AVEN: variants seen among roughly 807,000 people sequenced by gnomAD.
AVEN encodes apoptosis and caspase activation inhibitor.
A neutral mutation model predicts 38.1 loss-of-function variants in AVEN; 41 were observed. The ratio of observed to expected loss-of-function variants is 1.08; its 90% CI spans 0.84 to 1.40. The LOEUF (loss-of-function observed/expected upper bound fraction) is 1.40. Ranked by LOEUF, AVEN falls within the 40% of genes most tolerant of loss-of-function variation. The pLI, the probability that AVEN is intolerant of heterozygous loss-of-function variation, is 0.00. For synonymous variants in AVEN, 206 were observed against 171.8 expected (o/e 1.20, Z -1.56); for missense variants, 605 against 438.8 (o/e 1.38, Z -3.38).
At chr15:33,927,078 C>T (rs984148031) in intron 2 of AVEN, among the ~76,000 whole-genome samples, 3 of 152,024 alleles carry the variant, frequency 2.0e-5, no homozygotes, top group African/African-American at 7.2e-5. Flanking sequence ...CACGGTGAAA[C>T]CCCATCTCTA....
chr15:33,870,794 T>A, intron 4 of AVEN, 141 bp downstream of exon 4: 1 of 528,558 alleles, frequency 1.9e-6, no homozygotes, highest in South Asian at 6.3e-5. Flanking sequence ...CCTTTAAACT[T>A]TACAAAATGC....
At chr15:33,926,465 T>C (rs1275187243) in intron 2 of AVEN, among the ~76,000 whole-genome samples, 3 of 152,166 alleles carry the variant, frequency 2.0e-5, no homozygotes. Context: ...CCAGTGCTAC[T>C]ATTTATTGAC....
chr15:33,900,101 C>CT (rs1055903009), intron 2 of AVEN, among the ~76,000 whole-genome samples: 3 of 151,868 alleles, frequency 2.0e-5, no homozygotes, highest in African/African-American at 7.3e-5. Context: ...TATGAATCAC[C>CT]TTTTTTTTCT....
At position 33,999,051 on chromosome 15, in the gene AVEN, A is replaced by G. The variant is rs193178554; in HGVS notation, c.445+3981T>C. ...TGTGCTGGGTCTCTTCCATGTGCCA[A>G]TGCAGATTTATCCTCCACCCTTCTC... is the stretch of plus-strand genomic sequence containing the variant. On this transcript the variant is annotated intron_variant, in intron 2 of 5. Transcript: ENST00000306730. Among the ~76,000 whole-genome samples the G allele has an allele frequency of 3.9e-3, 587 of 152,332 alleles. 19 individuals are homozygous for G. Among genetic ancestry groups the G allele is most frequent in the Admixed American group, 0.036 (551 of 15,298 alleles).
At chr15:33,888,184 G>A (rs750327990) in intron 2 of AVEN, among the ~76,000 whole-genome samples, 1 of 152,188 alleles carries the variant, frequency 6.6e-6, no homozygotes, top group South Asian at 2.1e-4. Flanking sequence ...GCCAGATACT[G>A]TATTAAGTGC....
At chr15:33,995,899 A>T (rs1347013878) in intron 2 of AVEN, among the ~76,000 whole-genome samples, 1 of 152,246 alleles carries the variant, frequency 6.6e-6, no homozygotes, top group African/African-American at 2.4e-5. Flanking sequence ...CTGGAAGCGC[A>T]AGGGGTCAGG....
intron 5 of AVEN, among the ~76,000 whole-genome samples, chr15:34,060,805 G>A (rs1567493124): frequency 6.6e-6 from 1 of 152,166 alleles, no homozygotes; most frequent in Non-Finnish European, 1.5e-5. Flanking sequence ...AAGGGGCAGA[G>A]GTTGCAGTGA....
intron 2 of AVEN, among the ~76,000 whole-genome samples, chr15:33,897,480 G>A (rs1435734443): frequency 6.6e-6 from 1 of 152,018 alleles, no homozygotes. Context: ...ATGTTGGCCA[G>A]GCTGGTCTTG....
chr15:33,918,479 T>G (rs75187056), intron 2 of AVEN, among the ~76,000 whole-genome samples: 4 of 143,388 alleles, frequency 2.8e-5, no homozygotes, highest in Admixed American at 2.1e-4. Context: ...TTTTTTTTTT[T>G]TTTTTGTGAG....
chr15:34,025,669 T>C (rs1898424483), intron 1 of AVEN, among the ~76,000 whole-genome samples: 2 of 152,204 alleles, frequency 1.3e-5, no homozygotes, highest in East Asian at 1.9e-4. Context: ...TTGAAGTGTT[T>C]AGGGGTAAAG....
At chr15:34,038,030 C>A (rs1899232720) in intron 1 of AVEN, among the ~76,000 whole-genome samples, 1 of 152,200 alleles carries the variant, frequency 6.6e-6, no homozygotes, top group South Asian at 2.1e-4. Context: ...TATATATCAT[C>A]CCCTGCTCCA....
chr15:33,918,018 T>A (rs1302089695), intron 2 of AVEN, among the ~76,000 whole-genome samples: 1 of 152,208 alleles, frequency 6.6e-6, no homozygotes, highest in Non-Finnish European at 1.5e-5. Flanking sequence ...GTAATTTTTC[T>A]ATTAATTACA....
chr15:33,996,929 G>A (rs938141453), intron 2 of AVEN, among the ~76,000 whole-genome samples: 57 of 152,126 alleles, frequency 3.7e-4, no homozygotes, highest in Admixed American at 3.1e-3. Context: ...GAGGCTGTTC[G>A]AACCCATCGC....
At chr15:33,862,116 CCTGTAA>C (rs1385628753), downstream of AVEN, among the ~76,000 whole-genome samples, 1 of 152,000 alleles carries the variant, frequency 6.6e-6, no homozygotes, top group Non-Finnish European at 1.5e-5. Flanking sequence ...TAACTCAGAC[CCTGTAA>C]CTGTTCATTT....
chr15:33,995,657 T>C (rs558101444), intron 2 of AVEN, among the ~76,000 whole-genome samples: 1 of 152,366 alleles, frequency 6.6e-6, no homozygotes, highest in South Asian at 2.1e-4. Context: ...CTGAAATGAC[T>C]AAATGAATCA....
At chr15:34,037,552 TTA>T (rs911963365) in intron 1 of AVEN, among the ~76,000 whole-genome samples, 1 of 148,788 alleles carries the variant, frequency 6.7e-6, no homozygotes, top group Non-Finnish European at 1.5e-5. Flanking sequence ...TACATATATA[TTA>T]TATATATATA....
intron 1 of AVEN, among the ~76,000 whole-genome samples, chr15:34,032,445 A>C (rs1170319077): frequency 6.6e-6 from 1 of 152,244 alleles, no homozygotes; most frequent in African/African-American, 2.4e-5. Context: ...TCCTAGCAGC[A>C]GTTTAAAACA....
chr15:33,906,612 G>C (rs1892708881), intron 2 of AVEN, among the ~76,000 whole-genome samples: 2 of 152,168 alleles, frequency 1.3e-5, no homozygotes, highest in South Asian at 2.1e-4. Context: ...ATTATGCTAA[G>C]TGAATAAACC....
At chr15:33,958,089 G>A (rs948635098) in intron 2 of AVEN, among the ~76,000 whole-genome samples, 1 of 152,152 alleles carries the variant, frequency 6.6e-6, no homozygotes, top group African/African-American at 2.4e-5. Context: ...TGTAGAAGTG[G>A]TTACACAGGT....
Sources: gnomAD v4.1 joint callset for allele counts (sites outside exome capture counted in the v4.1 genomes callset) on GRCh38, gnomAD v4.1.1 for gene constraint, MANE v1.5 for transcripts, NCBI Gene and HGNC (gene_info 2026-07-23, HGNC 2026-07-21) for gene names.